Variants in NUP155 observed in about 807,000 individuals in gnomAD.
The protein encoded by NUP155 is nuclear pore complex protein Nup155.
NUP155 carries 71 observed loss-of-function variants against 180.4 expected under a neutral mutation model. That is an observed-to-expected ratio of 0.39 (90% confidence interval 0.33 to 0.48). The LOEUF (loss-of-function observed/expected upper bound fraction) is 0.48, where lower values mean the gene tolerates loss of function less well. Ranked by LOEUF, NUP155 falls within the 20% of genes least tolerant of loss-of-function variation. The probability of loss-of-function intolerance (pLI) is 0.91; values close to 1 mark genes in which losing one functional copy is unlikely to be tolerated. For missense variants in NUP155, 1,553 were observed against 1,648.9 expected (o/e 0.94, Z 1.01); for synonymous variants, 582 against 559.5 (o/e 1.04, Z -0.57).
intron 3 of NUP155, among the ~76,000 whole-genome samples, chr5:37,363,458 A>C (rs1459667679): frequency 1.3e-5 from 2 of 152,244 alleles, no homozygotes; most frequent in Admixed American, 1.3e-4. Flanking sequence ...ATTTCTATAC[A>C]TATAATTTAC....
chr5:37,331,922 C>T (rs1471209205), intron 13 of NUP155, 127 bp from the exon 14 acceptor site: 2 of 687,218 alleles, frequency 2.9e-6, no homozygotes, highest in African/African-American at 3.6e-5. Flanking sequence ...ACAAAGTAGG[C>T]TGGGTATGGT....
rs2150973089 is a variant in NUP155 at position 37,337,852 on chromosome 5, G to A, written c.1313C>T (p.Thr438Ile). 1 of 1,612,252 alleles carries A rather than the reference G, an allele frequency of 6.2e-7. No individual in the cohort carries two copies. The highest frequency in any genetic ancestry group is 8.5e-7 in the Non-Finnish European group (1 of 1,178,784). Residue 438 changes from threonine (T) to isoleucine (I), a missense_variant, in exon 12 of 35, where the codon ACT becomes ATT. By Grantham distance (89) the Thr-to-Ile change is moderately conservative. Coordinates refer to ENST00000231498, the MANE Select transcript of NUP155 (RefSeq NM_153485.3). ...NDILWCVNHDTFPFQKPMMET... is the reference protein window; with the variant it reads ...NDILWCVNHDIFPFQKPMMET... ...CATCATTGGCTTTTGGAAAGGAAAAGTATCATGGTTGACACACCATAAAAT... is the reference window on the plus strand; with the variant it reads ...CATCATTGGCTTTTGGAAAGGAAAAATATCATGGTTGACACACCATAAAAT...
chr5:37,357,554 T>G (rs1454196825), intron 4 of NUP155, among the ~76,000 whole-genome samples: 1 of 151,500 alleles, frequency 6.6e-6, no homozygotes, highest in Non-Finnish European at 1.5e-5. Flanking sequence ...GCAAATAAAA[T>G]AAAATTCAAA....
intron 14 of NUP155, among the ~76,000 whole-genome samples, chr5:37,331,204 A>G (rs1176189996): frequency 6.6e-6 from 1 of 152,092 alleles, no homozygotes; most frequent in East Asian, 1.9e-4. Context: ...AGCTCACTAC[A>G]AGACTCATAT....
In NUP155 at chr5:37,293,923, C is replaced by T. The variant is rs1424351758; in HGVS notation, c.3930+406G>A. Among the ~76,000 whole-genome samples, 3 of 96,526 alleles carry T rather than the reference C, an allele frequency of 3.1e-5. 1 individual carries two copies. Among genetic ancestry groups the T allele is most frequent in the African/African-American group, 2.2e-4 (2 of 8,992 alleles). 63.3% of individuals were successfully genotyped at this position (96,526 alleles called of 152,430 possible). A position where few individuals can be genotyped will look rare whatever the true frequency, so the allele number is the denominator to read the frequency against. ...CTGAGGCAGGAGAATGGCGTGAACCCGGGAAGCGGAGCTTGCAGTGAGCCG... is the reference window on the plus strand; with the variant it reads ...CTGAGGCAGGAGAATGGCGTGAACCTGGGAAGCGGAGCTTGCAGTGAGCCG... On this transcript the variant is annotated intron_variant, in intron 33 of 34. Coordinates refer to ENST00000231498, the MANE Select transcript of NUP155 (RefSeq NM_153485.3).
chr5:37,326,517 TTC>T (rs1401703941), intron 18 of NUP155, among the ~76,000 whole-genome samples: 3 of 152,154 alleles, frequency 2.0e-5, no homozygotes, highest in African/African-American at 7.2e-5. Context: ...GGTAAGCCAG[TTC>T]TGAGTTTAGA....
At chr5:37,293,288 A>G in intron 33 of NUP155, 1 of 293,274 alleles carries the variant, frequency 3.4e-6, no homozygotes, top group South Asian at 3.6e-5. Flanking sequence ...CTTTCTTTCT[A>G]TGGGTTGTGA....
intron 25 of NUP155, 35 bp downstream of exon 25, chr5:37,307,262 T>C (rs752263626): frequency 1.3e-6 from 2 of 1,596,756 alleles, no homozygotes; most frequent in Middle Eastern, 1.7e-4. Flanking sequence ...TCTGTATCCA[T>C]AAAGATGACA....
chr5:37,328,293 T>C (rs1581166789), intron 17 of NUP155, 65 bp downstream of exon 17: 1 of 1,168,560 alleles, frequency 8.6e-7, no homozygotes, highest in South Asian at 1.3e-5. Context: ...ACACTAAGCA[T>C]TAAGGTTAAC....
intron 21 of NUP155, among the ~76,000 whole-genome samples, chr5:37,316,215 A>G (rs556808009): frequency 2.0e-5 from 3 of 152,370 alleles, no homozygotes; most frequent in African/African-American, 7.2e-5. Context: ...GCACATATGC[A>G]CATATACACA....
intron 4 of NUP155, among the ~76,000 whole-genome samples, chr5:37,353,046 T>C (rs1239801288): frequency 3.9e-5 from 6 of 152,112 alleles, no homozygotes; most frequent in African/African-American, 9.7e-5. Context: ...AAAAAGTTAA[T>C]AGCAGTGGAA....
At chr5:37,340,421 G>A (rs1446520221) in intron 11 of NUP155, among the ~76,000 whole-genome samples, 2 of 151,556 alleles carry the variant, frequency 1.3e-5, no homozygotes, top group Admixed American at 6.6e-5. Context: ...CTCCAGCCTC[G>A]GCAACAGAGC....
intron 15 of NUP155, 48 bp downstream of exon 15, chr5:37,329,990 T>C (rs1302509998): frequency 7.9e-7 from 1 of 1,267,358 alleles, no homozygotes; most frequent in Middle Eastern, 1.9e-4. Context: ...TTTTAAAAAG[T>C]GGCCCAGTAA....
intron 9 of NUP155, among the ~76,000 whole-genome samples, chr5:37,347,726 G>A (rs1036371725): frequency 6.6e-6 from 1 of 151,146 alleles, no homozygotes; most frequent in African/African-American, 2.4e-5. Flanking sequence ...TCTTGGCCAG[G>A]CACGGTGGCT....
chr5:37,303,207 T>C, intron 28 of NUP155, 53 bp downstream of exon 28: 1 of 1,583,962 alleles, frequency 6.3e-7, no homozygotes, highest in Non-Finnish European at 8.7e-7. Context: ...TGAATGTAAG[T>C]ACATATAGCT....
chr5:37,314,949 TG>T (rs1465795969), intron 21 of NUP155, among the ~76,000 whole-genome samples: 1 of 152,162 alleles, frequency 6.6e-6, no homozygotes, highest in Non-Finnish European at 1.5e-5. Context: ...AAAGTTCTAC[TG>T]GCCAGGCGTG....
At chr5:37,322,249 A>G (rs1561783443) in intron 20 of NUP155, among the ~76,000 whole-genome samples, 1 of 152,182 alleles carries the variant, frequency 6.6e-6, no homozygotes, top group Non-Finnish European at 1.5e-5. Context: ...GGCTTTCCAA[A>G]GTGTTGGGAT....
chr5:37,359,002 G>A (rs1036716491), intron 3 of NUP155, among the ~76,000 whole-genome samples: 6 of 148,182 alleles, frequency 4.0e-5, no homozygotes, highest in African/African-American at 1.0e-4. Flanking sequence ...GCTAGAGAAC[G>A]AGACTCCGTC....
At chr5:37,295,698 C>T (rs1158976778) in intron 32 of NUP155, among the ~76,000 whole-genome samples, 3 of 151,664 alleles carry the variant, frequency 2.0e-5, no homozygotes, top group South Asian at 2.1e-4. Context: ...TCTGCCCTGT[C>T]GCCCCGTCCG....
Sources: allele counts gnomAD v4.1 joint callset (sites outside exome capture counted in the v4.1 genomes callset), GRCh38; gene constraint gnomAD v4.1.1; transcripts MANE v1.5; gene names NCBI Gene and HGNC (gene_info 2026-07-23, HGNC 2026-07-21).